The following FBN2 variants were observed in gnomAD, a reference collection of about 807,000 sequenced individuals.
FBN2 encodes the protein fibrillin 2.
FBN2 carries 105 observed loss-of-function variants against 355.6 expected under a neutral mutation model. The observed-to-expected ratio is 0.30, with a 90% CI of 0.25 to 0.35. The LOEUF (loss-of-function observed/expected upper bound fraction) is 0.35, where lower values mean the gene tolerates loss of function less well. Among genes scored for constraint, FBN2 ranks in the 10% least tolerant of loss-of-function variants. FBN2 has a pLI of 1.00. For synonymous variants in FBN2, 1,350 were observed against 1,301.2 expected (o/e 1.04, Z -0.81); for missense variants, 3,280 against 3,758.7 (o/e 0.87, Z 3.33).
chr5:128,361,219 A>G (rs1366982004), intron 19 of FBN2, among the ~76,000 whole-genome samples: 1 of 152,236 alleles, frequency 6.6e-6, no homozygotes, highest in Non-Finnish European at 1.5e-5. Context: ...TCAAATGGAA[A>G]GGACAATTCT....
At chr5:128,270,620 G>C (rs1438435007) in intron 62 of FBN2, among the ~76,000 whole-genome samples, 1 of 152,194 alleles carries the variant, frequency 6.6e-6, no homozygotes, top group Non-Finnish European at 1.5e-5. Flanking sequence ...AACGTCAAAA[G>C]AAATTGCAAC....
intron 5 of FBN2, among the ~76,000 whole-genome samples, chr5:128,513,158 T>A (rs1756177200): frequency 6.6e-6 from 1 of 152,216 alleles, no homozygotes; most frequent in Non-Finnish European, 1.5e-5. Context: ...TTCCAACGAA[T>A]CTGTGAGGTG....
At chr5:128,514,538 TAA>T (rs1367855307) in intron 5 of FBN2, among the ~76,000 whole-genome samples, 1 of 152,192 alleles carries the variant, frequency 6.6e-6, no homozygotes, top group Non-Finnish European at 1.5e-5. Flanking sequence ...CCTAATACTG[TAA>T]GAGTACTCAA....
At position 128,537,704 on chromosome 5, in the gene FBN2, C is replaced by G. The variant is rs1437354551; in HGVS notation, c.-101G>C. 15 of 1,205,536 alleles carry G rather than the reference C, an allele frequency of 1.2e-5. No homozygotes were observed. In the East Asian group the frequency reaches 3.1e-4, roughly 25 times the overall value. 74.7% of individuals were successfully genotyped at this position (1,205,536 alleles called of 1,614,324 possible). A position where few individuals can be genotyped will look rare whatever the true frequency, so the allele number is the denominator to read the frequency against. The stretch of plus-strand genomic sequence containing the variant: ...AAGAGTCAGGGTCTAATAAGCCCTT[C>G]GTCGGCTCCGGGGACTCCCTCGGGC... On this transcript the variant is annotated 5_prime_UTR_variant, in exon 1 of 65. Coordinates refer to ENST00000262464, the MANE Select transcript of FBN2 (RefSeq NM_001999.4).
At chr5:128,394,276 T>C (rs1383904330) in intron 9 of FBN2, among the ~76,000 whole-genome samples, 2 of 152,204 alleles carry the variant, frequency 1.3e-5, no homozygotes, top group East Asian at 1.9e-4. Context: ...GTGAGAAACA[T>C]TAATTTGTAC....
chr5:128,384,750 C>G (rs200548680), intron 11 of FBN2, among the ~76,000 whole-genome samples: 2 of 152,068 alleles, frequency 1.3e-5, no homozygotes, highest in East Asian at 3.9e-4. Context: ...GACCAAAAAT[C>G]TACTTGGGAA....
chr5:128,280,077 T>G, intron 56 of FBN2, 115 bp downstream of exon 56: 1 of 832,416 alleles, frequency 1.2e-6, no homozygotes, highest in Non-Finnish European at 2.0e-6. Context: ...ATGTGGATTA[T>G]TGAGATTGGG....
At chr5:128,467,083 C>G (rs1754733779) in intron 5 of FBN2, among the ~76,000 whole-genome samples, 1 of 152,124 alleles carries the variant, frequency 6.6e-6, no homozygotes, top group Admixed American at 6.5e-5. Flanking sequence ...GAAATCTGCA[C>G]AGTCTCCCTC....
chr5:128,440,468 G>T, intron 7 of FBN2, among the ~76,000 whole-genome samples: 1 of 152,226 alleles, frequency 6.6e-6, no homozygotes, highest in Non-Finnish European at 1.5e-5. Flanking sequence ...GAGACAGAAG[G>T]GGGAAGAGCT....
At position 128,276,084 on chromosome 5, in the gene FBN2, T is replaced by C. The variant is rs759356826; in HGVS notation, c.7548A>G (p.Ser2516=). 1.2e-6 allele frequency: 2 copies of C among 1,613,854 alleles called. No individual in the cohort carries two copies. The highest frequency in any genetic ancestry group is 1.7e-6 in the Non-Finnish European group (2 of 1,179,772). ...CKNTEGSYQC[S]CPRGYVLQED... ...CTTGCAGGACATACCCCCTCGGACATGAACACTGATAACTCCCCTCAGTGT... is the reference window on the plus strand; with the variant it reads ...CTTGCAGGACATACCCCCTCGGACACGAACACTGATAACTCCCCTCAGTGT... The change falls in exon 59 of 65, where the codon TCA becomes TCG. Residue 2516 remains serine, a synonymous_variant. Transcript: ENST00000262464.
intron 34 of FBN2, among the ~76,000 whole-genome samples, chr5:128,324,915 G>A (rs984507916): frequency 8.5e-5 from 13 of 152,070 alleles, no homozygotes; most frequent in African/African-American, 3.1e-4. Flanking sequence ...CACTGCGCTC[G>A]GCCATGAGTG....
chr5:128,508,501 A>G (rs1756023738), intron 5 of FBN2, among the ~76,000 whole-genome samples: 1 of 152,014 alleles, frequency 6.6e-6, no homozygotes, highest in Non-Finnish European at 1.5e-5. Flanking sequence ...CTTGACATAT[A>G]GTATAGGCAC....
intron 62 of FBN2, among the ~76,000 whole-genome samples, chr5:128,265,536 A>G (rs1439586402): frequency 6.6e-6 from 1 of 152,202 alleles, no homozygotes; most frequent in Admixed American, 6.5e-5. Context: ...TGTGTGAATT[A>G]TTGTGAACAG....
chr5:128,419,854 C>T (rs1271112037), intron 7 of FBN2, among the ~76,000 whole-genome samples: 8 of 152,034 alleles, frequency 5.3e-5, no homozygotes, highest in African/African-American at 1.9e-4. Flanking sequence ...CGCCACCATG[C>T]CTGGCTAATT....
chr5:128,374,565 ATC>A, intron 15 of FBN2, 61 bp downstream of exon 15: 4 of 1,603,466 alleles, frequency 2.5e-6, no homozygotes, highest in South Asian at 1.1e-5. Flanking sequence ...GTATAGAAAT[ATC>A]TCTGTCAGTT....
intron 48 of FBN2, among the ~76,000 whole-genome samples, chr5:128,295,195 A>C (rs1749468113): frequency 6.8e-6 from 1 of 148,116 alleles, no homozygotes; most frequent in Non-Finnish European, 1.5e-5. Flanking sequence ...ATTGATCTAT[A>C]TCTCTGTTTT....
intron 32 of FBN2, among the ~76,000 whole-genome samples, chr5:128,330,932 T>A (rs1750675740): frequency 1.3e-5 from 2 of 152,230 alleles, no homozygotes; most frequent in South Asian, 4.1e-4. Context: ...GTGAATTTTT[T>A]AACAGCTTAA....
At chr5:128,485,507 T>C (rs1755314037) in intron 5 of FBN2, among the ~76,000 whole-genome samples, 1 of 152,100 alleles carries the variant, frequency 6.6e-6, no homozygotes, top group Admixed American at 6.6e-5. Context: ...TCCTAATATG[T>C]TTGAACAAGG....
chr5:128,434,821 T>C (rs1753733748), intron 7 of FBN2, among the ~76,000 whole-genome samples: 2 of 152,022 alleles, frequency 1.3e-5, no homozygotes, highest in African/African-American at 4.8e-5. Flanking sequence ...TCAGATACCT[T>C]TTTCCTCTAA....
Sources: allele counts gnomAD v4.1 joint callset (sites outside exome capture counted in the v4.1 genomes callset), GRCh38; gene constraint gnomAD v4.1.1; transcripts MANE v1.5; gene names NCBI Gene and HGNC (gene_info 2026-07-23, HGNC 2026-07-21).